The following USP31 variants were observed in gnomAD, a reference collection of about 807,000 sequenced individuals.
The protein encoded by USP31 is ubiquitin specific peptidase 31, also known as ubiquitin carboxyl-terminal hydrolase 31.
Under a neutral mutation model 119.4 loss-of-function variants are expected in USP31, and 44 were observed. The ratio of observed to expected loss-of-function variants is 0.37; its 90% CI spans 0.29 to 0.47. The LOEUF is 0.47. Ranked by LOEUF, USP31 falls within the 20% of genes least tolerant of loss-of-function variation. The pLI is 0.99. For synonymous variants in USP31, 749 were observed against 705.6 expected (o/e 1.06, Z -0.97); for missense variants, 1,643 against 1,730.2 (o/e 0.95, Z 0.89).
chr16:23,093,110 T>C (rs1338358954), intron 6 of USP31, among the ~76,000 whole-genome samples: 1 of 152,220 alleles, frequency 6.6e-6, no homozygotes, highest in African/African-American at 2.4e-5. Flanking sequence ...TAAATCTTTA[T>C]GACCTTGGAT....
Position 23,069,110 on chromosome 16 carries a change from C to A in USP31, c.2995G>T (p.Asp999Tyr), listed in dbSNP as rs780365564. 1.9e-6 allele frequency: 3 copies of A among 1,613,102 alleles called. No individual in the cohort carries two copies. In the South Asian group the frequency reaches 3.3e-5, roughly 18 times the overall value. ...TTCACCTCTTTGACTGGAGAGCTGT[C>A]TACGGAGTCGCTCTGATCCACATAA... is the stretch of plus-strand genomic sequence containing the variant. ...IAYVDQSDSV[D>Y]SSPVKEVKAP... is the part of the protein sequence containing the mutation. The change falls in exon 16 of 16, where the codon GAC becomes TAC. Residue 999 changes from aspartate (D) to tyrosine (Y), a missense_variant. By Grantham distance (160) the Asp-to-Tyr change is radical. This residue lies in a region of USP31 where 699 missense variants were observed against 650.9 expected (regional missense o/e 1.07). Transcript: ENST00000219689.
At chr16:23,119,345 G>A (rs929275927) in intron 1 of USP31, among the ~76,000 whole-genome samples, 2 of 152,098 alleles carry the variant, frequency 1.3e-5, no homozygotes, top group Non-Finnish European at 2.9e-5. Context: ...TGAGCCGCCT[G>A]CCTCAGCCTC....
intron 7 of USP31, among the ~76,000 whole-genome samples, chr16:23,088,158 G>A (rs1901195786): frequency 6.6e-6 from 1 of 152,162 alleles, no homozygotes; most frequent in Admixed American, 6.5e-5. Flanking sequence ...AAACAGCACA[G>A]GTCGAACTCA....
chr16:23,109,014 G>A (rs1298538722), intron 1 of USP31, among the ~76,000 whole-genome samples: 2 of 152,228 alleles, frequency 1.3e-5, no homozygotes, highest in African/African-American at 4.8e-5. Context: ...TGGGATGGTG[G>A]TGATGGATGC....
chr16:23,107,976 A>C, intron 2 of USP31, 70 bp downstream of exon 2: 1 of 1,513,816 alleles, frequency 6.6e-7, no homozygotes, highest in South Asian at 1.3e-5. Context: ...GCAATGCAAC[A>C]AGTCCTCAGT....
chr16:23,129,626 C>T (rs1902965617), intron 1 of USP31, among the ~76,000 whole-genome samples: 1 of 152,190 alleles, frequency 6.6e-6, no homozygotes, highest in African/African-American at 2.4e-5. Context: ...GTTCATCGTA[C>T]TGCTCTCCCC....
In USP31 at chr16:23,067,383, CAGT is replaced by C. The variant is rs1900116333; in HGVS notation, c.*660_*662del. On this transcript the variant is annotated 3_prime_UTR_variant, in exon 16 of 16. Coordinates refer to ENST00000219689, the MANE Select transcript of USP31 (RefSeq NM_020718.4). ...CTACCTCGAAAATGTCTATCTGTGG[CAGT>C]AGGAGAAATGACACAGTCACCCACA... The C allele has an allele frequency of 6.6e-6, 1 of 152,632 alleles. No individual in the cohort carries two copies. Among genetic ancestry groups the C allele is most frequent in the South Asian group, 2.1e-4 (1 of 4,822 alleles). The allele number at this position is 152,632 out of a possible 1,614,324, so 9.5% of individuals were successfully genotyped here.
Position 23,068,520 on chromosome 16 carries a change from G to T in USP31, c.3585C>A (p.His1195Gln). 6.8e-6 allele frequency: 11 copies of T among 1,613,838 alleles called. No homozygotes were observed. The highest frequency in any genetic ancestry group is 9.3e-6 in the Non-Finnish European group (11 of 1,179,888). ...RAGEGRGAGK[H>Q]VRSSSMASLR... ...GGCTGGCCATGGAGGAGCTCCGCAC[G>T]TGCTTCCCGGCCCCCCTGCCCTCCC... The change falls in exon 16 of 16, where the codon CAC becomes CAA. Residue 1195 changes from histidine (H) to glutamine (Q), a missense_variant. By Grantham distance (24) the His-to-Gln change is conservative. This residue lies in a region of USP31 where 699 missense variants were observed against 650.9 expected (regional missense o/e 1.07). Coordinates refer to ENST00000219689, the MANE Select transcript of USP31 (RefSeq NM_020718.4).
chr16:23,134,674 T>TAAAAAAAAA (rs371982166), intron 1 of USP31, among the ~76,000 whole-genome samples: 3 of 86,846 alleles, frequency 3.5e-5, no homozygotes, highest in African/African-American at 4.9e-5. Flanking sequence ...GAAACAAAGC[T>TAAAAAAAAA]AAAAAAAAAA....
At chr16:23,129,041 G>A (rs1241366023) in intron 1 of USP31, among the ~76,000 whole-genome samples, 3 of 152,102 alleles carry the variant, frequency 2.0e-5, no homozygotes, top group Non-Finnish European at 4.4e-5. Flanking sequence ...ATTTTTTAAT[G>A]GGGCTGGTCT....
At chr16:23,110,802 T>G (rs764630551) in intron 1 of USP31, among the ~76,000 whole-genome samples, 2 of 152,106 alleles carry the variant, frequency 1.3e-5, no homozygotes, top group African/African-American at 2.4e-5. Flanking sequence ...TAACCAGCAC[T>G]CAAATTTTAG....
rs551293740 is a variant in USP31, at chr16:23,131,371, C to T, written c.633+17267G>A. On this transcript the variant is annotated intron_variant, in intron 1 of 15. Transcript: ENST00000219689. Reference sequence around the variant, plus strand: ...ACAGGATCTTGTTATGCTGCCCTGGCGGTCTTGAACTCCTGGGCTCAAGCA... The same window carrying T: ...ACAGGATCTTGTTATGCTGCCCTGGTGGTCTTGAACTCCTGGGCTCAAGCA... Among the ~76,000 whole-genome samples, 10 of 152,250 alleles carry T rather than the reference C, an allele frequency of 6.6e-5. No homozygotes were observed. The East Asian group carries it at 1.4e-3, about 21-fold the overall frequency.
chr16:23,128,634 T>TA (rs1201511820), intron 1 of USP31, among the ~76,000 whole-genome samples: 3 of 152,110 alleles, frequency 2.0e-5, no homozygotes, highest in Non-Finnish European at 4.4e-5. Flanking sequence ...AGCTAACAAG[T>TA]AAAAAAGGAA....
At chr16:23,129,498 G>A (rs547569058) in intron 1 of USP31, among the ~76,000 whole-genome samples, 1 of 152,252 alleles carries the variant, frequency 6.6e-6, no homozygotes, top group South Asian at 2.1e-4. Context: ...ATTTATGGGT[G>A]AAATACATTT....
At chr16:23,081,542 A>G (rs1795970558) in intron 12 of USP31, among the ~76,000 whole-genome samples, 1 of 152,332 alleles carries the variant, frequency 6.6e-6, no homozygotes, top group East Asian at 1.9e-4. Context: ...GGCCTCCTTC[A>G]GGTCTCCCCA....
intron 1 of USP31, among the ~76,000 whole-genome samples, chr16:23,127,485 T>C (rs1051034003): frequency 6.6e-6 from 1 of 152,010 alleles, no homozygotes; most frequent in Admixed American, 6.6e-5. Flanking sequence ...TTTTTTGAGA[T>C]GGAGTCTCAC....
chr16:23,131,112 C>A (rs543341525), intron 1 of USP31, among the ~76,000 whole-genome samples: 3 of 152,174 alleles, frequency 2.0e-5, no homozygotes, highest in African/African-American at 7.2e-5. Flanking sequence ...TAATTTGAGA[C>A]CAGTCTGGGC....
chr16:23,087,307 T>A, intron 8 of USP31, 121 bp from the exon 9 acceptor site: 1 of 774,192 alleles, frequency 1.3e-6, no homozygotes, highest in Non-Finnish European at 2.1e-6. Context: ...AATGCTTCAC[T>A]ATAAGATTCT....
chr16:23,141,373 A>T (rs1413634951), intron 1 of USP31, among the ~76,000 whole-genome samples: 1 of 149,556 alleles, frequency 6.7e-6, no homozygotes, highest in Non-Finnish European at 1.5e-5. Flanking sequence ...TTTAGCATTT[A>T]TACAATAATT....
Sources: allele counts gnomAD v4.1 joint callset (sites outside exome capture counted in the v4.1 genomes callset), GRCh38; gene constraint gnomAD v4.1.1; regional missense constraint gnomAD v4.1.1; transcripts MANE v1.5; gene names NCBI Gene and HGNC (gene_info 2026-07-23, HGNC 2026-07-21).